Variants in KANSL1 observed in about 807,000 individuals in gnomAD.
KANSL1 encodes KAT8 regulatory NSL complex subunit 1, also known as MLL1/MLL complex subunit KANSL1.
Under a neutral mutation model 103.6 loss-of-function variants are expected in KANSL1, and 22 were observed. The observed-to-expected ratio is 0.21, with a 90% CI of 0.15 to 0.30. The LOEUF (loss-of-function observed/expected upper bound fraction) is 0.30, where lower values mean the gene tolerates loss of function less well. Among genes scored for constraint, KANSL1 ranks in the 10% least tolerant of loss-of-function variants. The pLI is 1.00. For synonymous variants in KANSL1, 600 were observed against 527.6 expected (o/e 1.14, Z -1.88); for missense variants, 1,337 against 1,399.8 (o/e 0.96, Z 0.72).
intron 7 of KANSL1, among the ~76,000 whole-genome samples, chr17:46,046,772 G>A (rs371158984): frequency 2.7e-5 from 4 of 149,890 alleles, no homozygotes; most frequent in South Asian, 4.2e-4. Flanking sequence ...GGGAGGCGGA[G>A]GTTGCAGTGA....
chr17:46,172,785 ACTTGTTT>A (rs1368124200), intron 1 of KANSL1, among the ~76,000 whole-genome samples: 4 of 152,228 alleles, frequency 2.6e-5, no homozygotes, highest in Non-Finnish European at 5.9e-5. Flanking sequence ...TGTAATACCA[ACTTGTTT>A]CATCAGTTTT....
At chr17:46,146,239 C>G (rs1405588712) in intron 2 of KANSL1, among the ~76,000 whole-genome samples, 1 of 152,180 alleles carries the variant, frequency 6.6e-6, no homozygotes, top group East Asian at 1.9e-4. Flanking sequence ...GAATAGACGT[C>G]TAGTTTTCAT....
chr17:46,109,530 C>A (rs1269249594), intron 2 of KANSL1, among the ~76,000 whole-genome samples: 3 of 151,720 alleles, frequency 2.0e-5, no homozygotes, highest in Non-Finnish European at 4.4e-5. Context: ...AAAACCACAC[C>A]CCCACCAAAA....
chr17:46,069,879 T>C (rs1280833717), intron 4 of KANSL1, among the ~76,000 whole-genome samples: 1 of 152,002 alleles, frequency 6.6e-6, no homozygotes. Context: ...TATGCTACAA[T>C]GAGTGAACAC....
chr17:46,164,428 G>A (rs1781159042), intron 2 of KANSL1, among the ~76,000 whole-genome samples: 1 of 152,388 alleles, frequency 6.6e-6, no homozygotes, highest in East Asian at 1.9e-4. Flanking sequence ...GTCATGTGCA[G>A]ATTAGGAGAA....
chr17:46,078,626 C>T (rs542513004), intron 4 of KANSL1, among the ~76,000 whole-genome samples: 1 of 152,336 alleles, frequency 6.6e-6, no homozygotes, highest in South Asian at 2.1e-4. Context: ...ACTGAGAATG[C>T]TCTCATCTCT....
intron 2 of KANSL1, among the ~76,000 whole-genome samples, chr17:46,098,359 G>T (rs554741668): frequency 6.6e-6 from 1 of 152,262 alleles, no homozygotes; most frequent in South Asian, 2.1e-4. Flanking sequence ...CTCCTTAGCT[G>T]CTCTTCCCAA....
chr17:46,118,210 T>C (rs1444800729), intron 2 of KANSL1, among the ~76,000 whole-genome samples: 1 of 152,164 alleles, frequency 6.6e-6, no homozygotes, highest in Non-Finnish European at 1.5e-5. Context: ...TTTATTTGCT[T>C]GTAGTTGGGT....
chr17:46,148,609 G>A (rs1422246782), intron 2 of KANSL1, among the ~76,000 whole-genome samples: 1 of 144,250 alleles, frequency 6.9e-6, no homozygotes, highest in African/African-American at 2.5e-5. Flanking sequence ...TTTTTGAGAT[G>A]GGAGTCTCCC....
chr17:46,166,741 C>T (rs1214572462), intron 2 of KANSL1, among the ~76,000 whole-genome samples: 4 of 152,092 alleles, frequency 2.6e-5, no homozygotes, highest in Admixed American at 6.6e-5. Flanking sequence ...TAAAAAGGTA[C>T]AAGCTTAGCT....
intron 2 of KANSL1, chr17:46,148,025 G>C (rs184233586): frequency 7.3e-4 from 111 of 152,258 alleles, no homozygotes; most frequent in African/African-American, 2.6e-3. Context: ...GAGGAGGTAG[G>C]GACACAAACG....
chr17:46,172,929 T>G (rs1175872985), intron 1 of KANSL1, among the ~76,000 whole-genome samples: 4 of 152,168 alleles, frequency 2.6e-5, no homozygotes, highest in African/African-American at 9.7e-5. Flanking sequence ...TGCCCAAATA[T>G]CTCTCTTTCC....
chr17:46,127,200 C>T (rs2043611953), intron 2 of KANSL1, among the ~76,000 whole-genome samples: 1 of 152,240 alleles, frequency 6.6e-6, no homozygotes, highest in Admixed American at 6.5e-5. Context: ...AGCCCAAGCA[C>T]AGCTTGAAGC....
At chr17:46,208,238 T>C (rs1278894201) in intron 1 of KANSL1, among the ~76,000 whole-genome samples, 14 of 152,234 alleles carry the variant, frequency 9.2e-5, no homozygotes, top group Admixed American at 9.2e-4. Context: ...TTCCTATGTG[T>C]AGGTGTTGAG....
At chr17:46,059,609 C>T (rs1021249100) in intron 6 of KANSL1, among the ~76,000 whole-genome samples, 10 of 116,046 alleles carry the variant, frequency 8.6e-5, no homozygotes, top group African/African-American at 2.8e-4. Flanking sequence ...GGTGACAGAG[C>T]GAGGCGAGGC....
chr17:46,105,704 T>C (rs1327494170), intron 2 of KANSL1, among the ~76,000 whole-genome samples: 7 of 151,908 alleles, frequency 4.6e-5, no homozygotes, highest in Non-Finnish European at 1.0e-4. Context: ...CCCATGTCTC[T>C]ACAAAAAAAT....
chr17:46,147,147 G>C (rs2044753192), intron 2 of KANSL1, among the ~76,000 whole-genome samples: 1 of 152,236 alleles, frequency 6.6e-6, no homozygotes, highest in South Asian at 2.1e-4. Flanking sequence ...AAAAGCCATA[G>C]TACTTGCATG....
chr17:46,173,857 G>A (rs2147769709), intron 1 of KANSL1, among the ~76,000 whole-genome samples: 1 of 152,328 alleles, frequency 6.6e-6, no homozygotes, highest in East Asian at 1.9e-4. Context: ...TGTGATGAAA[G>A]GGAAAGTATG....
chr17:46,187,917 C>CT (rs1165918545), intron 1 of KANSL1, among the ~76,000 whole-genome samples: 14 of 152,236 alleles, frequency 9.2e-5, no homozygotes, highest in Non-Finnish European at 4.4e-5. Flanking sequence ...TTTCCGCACT[C>CT]TATTTTAGCT....
Sources: allele counts gnomAD v4.1 joint callset (sites outside exome capture counted in the v4.1 genomes callset), GRCh38; gene constraint gnomAD v4.1.1; transcripts MANE v1.5; gene names NCBI Gene and HGNC (gene_info 2026-07-23, HGNC 2026-07-21).